The following KCNMA1 variants were observed in gnomAD, a reference collection of about 807,000 sequenced individuals.
KCNMA1 encodes the protein potassium calcium-activated channel subfamily M alpha 1.
Under a neutral mutation model 140.0 loss-of-function variants are expected in KCNMA1, and 29 were observed. That is an observed-to-expected ratio of 0.21 (90% CI 0.15 to 0.28). The LOEUF (loss-of-function observed/expected upper bound fraction) is 0.28, where lower values mean the gene tolerates loss of function less well. KCNMA1 is among the 10% of genes least tolerant of loss of function. KCNMA1 has a pLI of 1.00. For missense variants in KCNMA1, 880 were observed against 1,602.2 expected, an observed-to-expected ratio of 0.55 and a Z score of 7.70; for synonymous variants, 612 against 611.9, an observed-to-expected ratio of 1.00 and a Z score of 0.00.
chr10:77,026,384 T>G (rs1160073319), intron 16 of KCNMA1, among the ~76,000 whole-genome samples: 7 of 152,228 alleles, frequency 4.6e-5, no homozygotes, highest in Non-Finnish European at 7.3e-5. Flanking sequence ...ATTTGCGATT[T>G]CGCAACACGG....
At chr10:77,437,745 G>A (rs907531805) in intron 1 of KCNMA1, among the ~76,000 whole-genome samples, 6 of 152,208 alleles carry the variant, frequency 3.9e-5, no homozygotes, top group African/African-American at 1.2e-4. Context: ...ACAGAGGCAG[G>A]AGGCCTGCAC....
chr10:77,249,850 G>A (rs917870983), intron 3 of KCNMA1: 3 of 152,178 alleles, frequency 2.0e-5, no homozygotes, highest in Admixed American at 2.0e-4. Context: ...TGGCTCGGGA[G>A]AGCTGATGGA....
In KCNMA1 at chr10:76,887,531, A is replaced by G; in HGVS notation, c.3462-16T>C. On this transcript the variant is annotated splice_polypyrimidine_tract_variant and intron_variant, in intron 27 of 27. Transcript: ENST00000286628. ...GATGACATACCTGGACAGGGAAAGC[A>G]GAGATGTCACCTCCTGAGAGTAACT... 1.9e-6 allele frequency: 3 copies of G among 1,614,138 alleles called. No individual in the cohort carries two copies. Among genetic ancestry groups the G allele is most frequent in the Non-Finnish European group, 2.5e-6 (3 of 1,179,992 alleles).
intron 1 of KCNMA1, among the ~76,000 whole-genome samples, chr10:77,479,349 G>T (rs17412609): frequency 0.15 from 23,462 of 152,058 alleles, 2,133 homozygotes; most frequent in Middle Eastern, 0.26. Context: ...CAACAGATGC[G>T]GGATAAAATC....
chr10:77,425,343 C>A (rs1603602473), intron 1 of KCNMA1, among the ~76,000 whole-genome samples: 1 of 152,306 alleles, frequency 6.6e-6, no homozygotes, highest in East Asian at 1.9e-4. Context: ...CCCTGGATTC[C>A]TGCAGCACTT....
At chr10:76,878,039 A>G in intron 29 of KCNMA1, 3 of 748,826 alleles carry the variant, frequency 4.0e-6, no homozygotes, top group Non-Finnish European at 6.8e-6. Context: ...GAGACAGTGC[A>G]GTGTAGGGAG....
At chr10:76,929,383 C>A (rs1229457055) in intron 23 of KCNMA1, among the ~76,000 whole-genome samples, 1 of 152,194 alleles carries the variant, frequency 6.6e-6, no homozygotes, top group Non-Finnish European at 1.5e-5. Flanking sequence ...CCTGCCTTGA[C>A]CTCTCAAATG....
At chr10:77,577,971 C>T (rs2074734279) in intron 1 of KCNMA1, among the ~76,000 whole-genome samples, 1 of 152,232 alleles carries the variant, frequency 6.6e-6, no homozygotes, top group South Asian at 2.1e-4. Flanking sequence ...CTATTTATAG[C>T]TCCCAGCATG....
chr10:77,485,277 A>ATAAACG (rs929846388), intron 1 of KCNMA1, among the ~76,000 whole-genome samples: 1 of 152,254 alleles, frequency 6.6e-6, no homozygotes, highest in African/African-American at 2.4e-5. Context: ...TTAAAGAGTG[A>ATAAACG]TAAACGTAAA....
At chr10:76,995,811 TAA>T in intron 19 of KCNMA1, 1 of 398,660 alleles carries the variant, frequency 2.5e-6, no homozygotes. Flanking sequence ...AGTTTGTCCT[TAA>T]AGAGCCGAGT....
At position 77,403,904 on chromosome 10, in the gene KCNMA1, C is replaced by T. The variant is rs201765039; in HGVS notation, c.498G>A (p.Ala166=). The stretch of plus-strand genomic sequence containing the variant: ...GTGTCTGGGCGGATATCATCACCCC[C>T]GCCCAGTCCTTCACGGAGGTCATCC... The part of the protein sequence containing the change: ...VGWMTSVKDW[A]GVMISAQTLT... Residue 166 remains alanine (A), a synonymous_variant, in exon 2 of 28, where the codon GCG becomes GCA. Coordinates refer to ENST00000286628, the MANE Select transcript of KCNMA1 (RefSeq NM_001161352.2). 128 of 1,614,032 alleles carry T rather than the reference C, an allele frequency of 7.9e-5. No homozygotes were observed. The highest frequency in any genetic ancestry group is 1.0e-4 in the Non-Finnish European group (123 of 1,180,052).
chr10:76,923,167 T>C (rs2056493362), intron 23 of KCNMA1, among the ~76,000 whole-genome samples: 1 of 152,164 alleles, frequency 6.6e-6, no homozygotes, highest in African/African-American at 2.4e-5. Context: ...CAAACAAAAC[T>C]TCTCTATAGT....
intron 19 of KCNMA1, among the ~76,000 whole-genome samples, chr10:76,971,788 T>G (rs2076156368): frequency 6.6e-6 from 1 of 152,048 alleles, no homozygotes; most frequent in South Asian, 2.1e-4. Context: ...TAAACAGCAC[T>G]TAAAAGATTA....
intron 2 of KCNMA1, among the ~76,000 whole-genome samples, chr10:77,322,591 T>C (rs1466664471): frequency 6.6e-6 from 1 of 152,142 alleles, no homozygotes; most frequent in African/African-American, 2.4e-5. Flanking sequence ...GTGGGTCACA[T>C]TGACATTTTG....
At chr10:77,519,588 C>CTCTTT (rs2052060054) in intron 1 of KCNMA1, among the ~76,000 whole-genome samples, 1 of 152,120 alleles carries the variant, frequency 6.6e-6, no homozygotes, top group South Asian at 2.1e-4. Context: ...ATTAATATCA[C>CTCTTT]GGCCAAGGTC....
chr10:76,885,661 A>T lies in KCNMA1; in HGVS notation c.*1605T>A. On this transcript the variant is annotated 3_prime_UTR_variant, in exon 28 of 28. Coordinates refer to ENST00000286628, the MANE Select transcript of KCNMA1 (RefSeq NM_001161352.2). ...GGAATTCTTTGAAGTAAAACTTTTC[A>T]AATATGTATATACCAGCCTAGTCCA... 1 of 985,304 alleles carries T rather than the reference A, an allele frequency of 1.0e-6. No homozygotes were observed. Among genetic ancestry groups the T allele is most frequent in the Non-Finnish European group, 1.2e-6 (1 of 829,858 alleles). The allele number at this position is 985,304 out of a possible 1,614,324, so 61.0% of individuals were successfully genotyped here.
At chr10:77,312,481 C>T (rs183831176) in intron 2 of KCNMA1, among the ~76,000 whole-genome samples, 22 of 152,296 alleles carry the variant, frequency 1.4e-4, no homozygotes, top group East Asian at 1.2e-3. Context: ...CAAAAAATAA[C>T]TGGGAATGGT....
chr10:77,480,716 G>A (rs931273400), intron 1 of KCNMA1, among the ~76,000 whole-genome samples: 2 of 152,050 alleles, frequency 1.3e-5, no homozygotes, highest in African/African-American at 4.8e-5. Flanking sequence ...CTTGCCTAGC[G>A]CAGCTTCCCC....
intron 2 of KCNMA1, among the ~76,000 whole-genome samples, chr10:77,301,050 A>G (rs1400672592): frequency 6.6e-6 from 1 of 152,142 alleles, no homozygotes; most frequent in Non-Finnish European, 1.5e-5. Flanking sequence ...CCCCACCTCC[A>G]TCTGATGCCT....
Sources: gnomAD v4.1 joint callset for allele counts (sites outside exome capture counted in the v4.1 genomes callset) on GRCh38, gnomAD v4.1.1 for gene constraint, MANE v1.5 for transcripts, NCBI Gene and HGNC (gene_info 2026-07-23, HGNC 2026-07-21) for gene names.